Variants in FUT8 observed in about 807,000 individuals in gnomAD.
FUT8 encodes alpha-(1,6)-fucosyltransferase.
FUT8 carries 29 observed loss-of-function variants against 71.3 expected under a neutral mutation model. The ratio of observed to expected loss-of-function variants is 0.41; its 90% CI spans 0.30 to 0.55. The LOEUF is 0.55. Ranked by LOEUF, FUT8 falls within the 20% of genes least tolerant of loss-of-function variation. The pLI is 0.34. For synonymous variants in FUT8, 254 were observed against 239.3 expected, an observed-to-expected ratio of 1.06 and a Z score of -0.57; for missense variants, 544 against 702.1, an observed-to-expected ratio of 0.77 and a Z score of 2.55.
chr14:65,736,940 T>C (rs541703281), intron 10 of FUT8, among the ~76,000 whole-genome samples: 6 of 152,262 alleles, frequency 3.9e-5, no homozygotes, highest in Admixed American at 3.9e-4. Flanking sequence ...TCAGGAATTT[T>C]ATACCATATA....
At chr14:65,518,545 T>C (rs1882859893) in intron 2 of FUT8, among the ~76,000 whole-genome samples, 1 of 152,166 alleles carries the variant, frequency 6.6e-6, no homozygotes, top group Non-Finnish European at 1.5e-5. Flanking sequence ...TATTTATTTA[T>C]GAGACAGTCT....
At chr14:65,425,686 T>G (rs2065374626) in intron 1 of FUT8, among the ~76,000 whole-genome samples, 1 of 152,002 alleles carries the variant, frequency 6.6e-6, no homozygotes, top group African/African-American at 2.4e-5. Flanking sequence ...ACATTTAAAA[T>G]CTCCTTTCTG....
At chr14:65,378,837 GTTTTTTTTTTTTTTT>G in the FUT8 span, among the ~76,000 whole-genome samples, 3 of 66,850 alleles carry the variant, frequency 4.5e-5, no homozygotes, top group Admixed American at 2.4e-4. Context: ...TCACAAGAAG[GTTTTTTTTTTTTTTT>G]TTTTTTTTTT....
the FUT8 span, among the ~76,000 whole-genome samples, chr14:65,376,466 G>C: frequency 7.4e-4 from 65 of 87,336 alleles, 14 homozygotes; most frequent in Non-Finnish European, 1.4e-3. Flanking sequence ...GCTGGAGTGC[G>C]GTGGTGTGAC....
chr14:65,363,462 G>T, the FUT8 span, among the ~76,000 whole-genome samples: 1 of 152,144 alleles, frequency 6.6e-6, no homozygotes, highest in Admixed American at 6.5e-5. Context: ...TCACCATGTT[G>T]GTTAGGCTTG....
At chr14:65,645,792 G>A (rs1891097104) in intron 6 of FUT8, among the ~76,000 whole-genome samples, 1 of 152,096 alleles carries the variant, frequency 6.6e-6, no homozygotes, top group Non-Finnish European at 1.5e-5. Flanking sequence ...TTATTACCTT[G>A]TACTTACCAT....
the FUT8 span, among the ~76,000 whole-genome samples, chr14:65,368,982 A>C: frequency 6.6e-6 from 1 of 151,946 alleles, no homozygotes; most frequent in South Asian, 2.1e-4. Context: ...TTAATGATAT[A>C]TTATGTTTAA....
At chr14:65,713,608 CTTG>C (rs1894910783) in intron 7 of FUT8, among the ~76,000 whole-genome samples, 1 of 152,034 alleles carries the variant, frequency 6.6e-6, no homozygotes, top group Admixed American at 6.5e-5. Context: ...TAAATGATAC[CTTG>C]TTGTAGTTTT....
At chr14:65,497,660 G>A (rs1276598364) in intron 2 of FUT8, among the ~76,000 whole-genome samples, 2 of 151,712 alleles carry the variant, frequency 1.3e-5, no homozygotes, top group Non-Finnish European at 1.5e-5. Context: ...AGTTTAATGG[G>A]TGGTGACATT....
At chr14:65,569,644 A>G (rs766619775) in intron 3 of FUT8, among the ~76,000 whole-genome samples, 3 of 151,910 alleles carry the variant, frequency 2.0e-5, no homozygotes, top group Non-Finnish European at 4.4e-5. Flanking sequence ...TTATTCTAAT[A>G]TAACTATTAT....
chr14:65,570,577 G>A (rs1886416392), intron 3 of FUT8, among the ~76,000 whole-genome samples: 1 of 151,896 alleles, frequency 6.6e-6, no homozygotes, highest in African/African-American at 2.4e-5. Context: ...TGACATACAC[G>A]ATTTCCATTA....
At chr14:65,611,193 A>G (rs1187214353) in intron 3 of FUT8, among the ~76,000 whole-genome samples, 1 of 3,422 alleles carries the variant, frequency 2.9e-4, no homozygotes, top group Non-Finnish European at 7.2e-4. Flanking sequence ...ATACACACAC[A>G]CACACGCGCG....
chr14:65,702,808 G>A (rs1285055361), intron 7 of FUT8, among the ~76,000 whole-genome samples: 8 of 151,718 alleles, frequency 5.3e-5, no homozygotes, highest in South Asian at 2.1e-4. Context: ...GCACCATCTC[G>A]GCTCACTGCA....
At chr14:65,547,875 C>G (rs1335247267) in intron 2 of FUT8, among the ~76,000 whole-genome samples, 1 of 151,854 alleles carries the variant, frequency 6.6e-6, no homozygotes, top group Non-Finnish European at 1.5e-5. Flanking sequence ...GTGAAATACT[C>G]TAAACTACAG....
chr14:65,725,610 C>T (rs1014330142), intron 9 of FUT8, among the ~76,000 whole-genome samples: 1 of 152,194 alleles, frequency 6.6e-6, no homozygotes, highest in Non-Finnish European at 1.5e-5. Flanking sequence ...CCACTCTGTA[C>T]AGTTCTCTGT....
At chr14:65,476,779 G>T (rs2066252662) in intron 2 of FUT8, among the ~76,000 whole-genome samples, 1 of 151,276 alleles carries the variant, frequency 6.6e-6, no homozygotes, top group Non-Finnish European at 1.5e-5. Flanking sequence ...AGATCTGATA[G>T]TGGAAGTCTC....
chr14:65,652,767 A>G lies in FUT8; in HGVS notation c.598-16476A>G, dbSNP rs143106209. 6.4e-3 allele frequency among the ~76,000 whole-genome samples: 977 copies of G among 152,270 alleles called. 10 individuals carry two copies. The highest frequency in any genetic ancestry group is 8.2e-3 in the Non-Finnish European group (558 of 68,008). On this transcript the variant is annotated intron_variant, in intron 6 of 10. Transcript: ENST00000673929. The surrounding 1 kb of genome is among the most constrained non-coding windows in gnomAD (Gnocchi z 4.0). ...AAGAGAAAGAATGAATGAAACTTCTACTAAACCTACCTATACTCCAGCTGT... is the reference window on the plus strand; with the variant it reads ...AAGAGAAAGAATGAATGAAACTTCTGCTAAACCTACCTATACTCCAGCTGT...
chr14:65,641,892 T>C lies in FUT8; in HGVS notation c.597+12286T>C, dbSNP rs574420585. On this transcript the variant is annotated intron_variant, in intron 6 of 10. Transcript: ENST00000673929. ...ATTGGGATGTTTGCTTTCTTCTTAT[T>C]GAGTTAAGGTTCTTTATATATATTC... Among the ~76,000 whole-genome samples, 235 of 152,156 alleles carry C rather than the reference T, an allele frequency of 1.5e-3. 1 individual carries two copies. The highest frequency in any genetic ancestry group is 5.1e-3 in the African/African-American group (214 of 41,558).
chr14:65,715,155 C>G (rs760939729), intron 7 of FUT8, among the ~76,000 whole-genome samples: 10 of 152,124 alleles, frequency 6.6e-5, no homozygotes, highest in Non-Finnish European at 1.5e-4. Flanking sequence ...TGTTGTGTTC[C>G]AGATCTTAGA....
Sources: allele counts gnomAD v4.1 joint callset (sites outside exome capture counted in the v4.1 genomes callset), GRCh38; gene constraint gnomAD v4.1.1; non-coding constraint Gnocchi (gnomAD v3.1); transcripts MANE v1.5; gene names NCBI Gene and HGNC (gene_info 2026-07-23, HGNC 2026-07-21).